The following CRISPLD1 variants were observed in gnomAD, a reference collection of about 807,000 sequenced individuals.
CRISPLD1 encodes the protein cysteine-rich secretory protein LCCL domain-containing 1.
Under a neutral mutation model 77.5 loss-of-function variants are expected in CRISPLD1, and 60 were observed. That is an observed-to-expected ratio of 0.77 (90% CI 0.63 to 0.96). The LOEUF (loss-of-function observed/expected upper bound fraction) is 0.96. CRISPLD1 is among the 40% of genes least tolerant of loss of function. The pLI, the probability that CRISPLD1 is intolerant of heterozygous loss-of-function variation, is 0.00. For synonymous variants in CRISPLD1, 195 were observed against 200.1 expected (o/e 0.97, Z 0.22); for missense variants, 623 against 615.8 (o/e 1.01, Z -0.12).
intron 2 of CRISPLD1, among the ~76,000 whole-genome samples, chr8:75,007,272 A>G (rs1184171393): frequency 6.6e-6 from 1 of 152,178 alleles, no homozygotes; most frequent in African/African-American, 2.4e-5. Flanking sequence ...AGAGAAAAAA[A>G]CTGTGTCAAA....
chr8:75,018,737 C>T (rs564328845), intron 10 of CRISPLD1, among the ~76,000 whole-genome samples: 113 of 152,026 alleles, frequency 7.4e-4, no homozygotes, highest in African/African-American at 2.7e-3. Flanking sequence ...ACTACAGGCA[C>T]GTGCCACCAT....
chr8:75,011,986 A>G (rs1305408356), intron 2 of CRISPLD1, among the ~76,000 whole-genome samples: 2 of 152,124 alleles, frequency 1.3e-5, no homozygotes, highest in Non-Finnish European at 2.9e-5. Flanking sequence ...GTATTTTATA[A>G]AGCTGGATTG....
At chr8:75,031,544 C>G (rs1813346212) in intron 14 of CRISPLD1, among the ~76,000 whole-genome samples, 1 of 149,924 alleles carries the variant, frequency 6.7e-6, no homozygotes, top group African/African-American at 2.5e-5. Flanking sequence ...TTTAAAAGTA[C>G]TTTCAAAATG....
At chr8:74,986,861 A>G (rs1342877759) in intron 2 of CRISPLD1, among the ~76,000 whole-genome samples, 1 of 152,160 alleles carries the variant, frequency 6.6e-6, no homozygotes, top group African/African-American at 2.4e-5. Context: ...ACAACCTTAT[A>G]TTTACTCTGA....
chr8:75,017,551 A>G, intron 10 of CRISPLD1, 101 bp downstream of exon 10: 1 of 1,044,758 alleles, frequency 9.6e-7, no homozygotes, highest in Non-Finnish European at 1.3e-6. Context: ...TTAAGAAGAA[A>G]GAATTTGGTT....
intron 2 of CRISPLD1, among the ~76,000 whole-genome samples, chr8:75,010,755 T>C (rs1351282300): frequency 3.3e-5 from 5 of 152,098 alleles, no homozygotes; most frequent in Non-Finnish European, 7.4e-5. Flanking sequence ...GTTAGAGTTT[T>C]TTCCTTTTAG....
At chr8:75,017,136 T>C (rs75402710) in intron 9 of CRISPLD1, 23 bp downstream of exon 9, 107,355 of 1,585,032 alleles carry the variant, frequency 0.068, 3,932 homozygotes, top group South Asian at 0.088. Context: ...AATGTAATTA[T>C]TTGAGGATAG....
rs1442435765 is a variant in CRISPLD1 at position 75,032,915 on chromosome 8, A to T, written c.*673A>T. Reference sequence around the variant, plus strand: ...TGGTGGTATGAAAACATTCCTAGTGATCATGTAGTAAATGTAGGGTTAAGC... The same window carrying T: ...TGGTGGTATGAAAACATTCCTAGTGTTCATGTAGTAAATGTAGGGTTAAGC... On this transcript the variant is annotated 3_prime_UTR_variant, in exon 15 of 15. Coordinates refer to ENST00000262207, the MANE Select transcript of CRISPLD1 (RefSeq NM_031461.6). 2 of 151,922 alleles carry T rather than the reference A, an allele frequency of 1.3e-5. No homozygotes were observed. The highest frequency in any genetic ancestry group is 2.9e-5 in the Non-Finnish European group (2 of 67,828). The allele number at this position is 151,922 out of a possible 1,614,324, so 9.4% of individuals were successfully genotyped here.
In CRISPLD1 at chr8:75,032,364, A is replaced by G; in HGVS notation, c.*122A>G. ...CTATTTTCAGCCCAAAAAGGTGCCA[A>G]ATGCATATAAATCTTGATAAACAAA... is the stretch of plus-strand genomic sequence containing the variant. On this transcript the variant is annotated 3_prime_UTR_variant, in exon 15 of 15. Coordinates refer to ENST00000262207, the MANE Select transcript of CRISPLD1 (RefSeq NM_031461.6). The G allele has an allele frequency of 7.6e-6, 4 of 527,068 alleles. No homozygotes were observed. Among genetic ancestry groups the G allele is most frequent in the Non-Finnish European group, 9.8e-6 (3 of 307,146 alleles). The allele number at this position is 527,068 out of a possible 1,614,324, so 32.6% of individuals were successfully genotyped here.
intron 2 of CRISPLD1, among the ~76,000 whole-genome samples, chr8:75,006,298 T>C (rs1812829992): frequency 6.6e-6 from 1 of 152,226 alleles, no homozygotes; most frequent in South Asian, 2.1e-4. Context: ...AGGAATTCTT[T>C]TTGGCATTTA....
At chr8:75,012,286 A>G (rs1812945126) in intron 2 of CRISPLD1, 147 bp from the exon 3 acceptor site, 1 of 621,596 alleles carries the variant, frequency 1.6e-6, no homozygotes, top group East Asian at 2.7e-5. Context: ...AAAAACTTAG[A>G]TGACTTTTGA....
chr8:74,992,001 G>A (rs903007822), intron 2 of CRISPLD1, among the ~76,000 whole-genome samples: 1 of 152,158 alleles, frequency 6.6e-6, no homozygotes, highest in Non-Finnish European at 1.5e-5. Context: ...AGACTGAATT[G>A]CTAGAAGGGT....
chr8:75,023,346 A>G (rs991936671), intron 12 of CRISPLD1, among the ~76,000 whole-genome samples: 2 of 152,244 alleles, frequency 1.3e-5, no homozygotes, highest in East Asian at 3.8e-4. Flanking sequence ...AATGCCTAGC[A>G]GTTCTCAAAT....
intron 13 of CRISPLD1, among the ~76,000 whole-genome samples, chr8:75,027,145 T>G (rs1199043900): frequency 6.6e-6 from 1 of 152,166 alleles, no homozygotes; most frequent in East Asian, 1.9e-4. Context: ...CCGTATCTCT[T>G]TTATTAGTTT....
chr8:75,000,506 C>T, intron 2 of CRISPLD1: 8 of 811,208 alleles, frequency 9.9e-6, no homozygotes, highest in Non-Finnish European at 1.0e-5. Flanking sequence ...CTGAACAAAT[C>T]TTGCCAAGCC....
chr8:74,986,272 A>G (rs1394747815), intron 2 of CRISPLD1, 27 bp downstream of exon 2: 2 of 1,597,382 alleles, frequency 1.3e-6, no homozygotes, highest in Non-Finnish European at 1.7e-6. Context: ...AGTGGTATGT[A>G]CAAAAGAAAT....
rs1437143612 is a variant in CRISPLD1 at position 74,984,537 on chromosome 8, G to T, written c.-446G>T. The T allele has an allele frequency of 6.6e-6, 1 of 152,390 alleles. No homozygotes were observed. The highest frequency in any genetic ancestry group is 6.5e-5 in the Admixed American group (1 of 15,294). The allele number at this position is 152,390 out of a possible 1,614,324, so 9.4% of individuals were successfully genotyped here. A position where few individuals can be genotyped will look rare whatever the true frequency, so the allele number is the denominator to read the frequency against. On this transcript the variant is annotated 5_prime_UTR_variant, in exon 1 of 15. Coordinates refer to ENST00000262207, the MANE Select transcript of CRISPLD1 (RefSeq NM_031461.6). ...CTAGGCGCCTGGTTCTGCGCGTACT[G>T]GCTGTACGGAGCAGGAGCAAGAGGT... is the stretch of plus-strand genomic sequence containing the variant.
intron 10 of CRISPLD1, among the ~76,000 whole-genome samples, chr8:75,019,552 T>C (rs1813096094): frequency 6.6e-6 from 1 of 152,064 alleles, no homozygotes; most frequent in Non-Finnish European, 1.5e-5. Context: ...GGCAGGAAAT[T>C]AGTATGTGAG....
intron 2 of CRISPLD1, among the ~76,000 whole-genome samples, chr8:74,996,061 C>T (rs960687785): frequency 1.8e-4 from 27 of 149,178 alleles, no homozygotes; most frequent in Non-Finnish European, 2.8e-4. Flanking sequence ...TATATAAATA[C>T]GCATGTGTTT....
Sources: gnomAD v4.1 joint callset for allele counts (sites outside exome capture counted in the v4.1 genomes callset) on GRCh38, gnomAD v4.1.1 for gene constraint, MANE v1.5 for transcripts, NCBI Gene and HGNC (gene_info 2026-07-23, HGNC 2026-07-21) for gene names.